The following F5 variants were observed in gnomAD, a reference collection of about 807,000 sequenced individuals.
F5 encodes coagulation factor V, also known as activated protein c cofactor.
Under a neutral mutation model 216.4 loss-of-function variants are expected in F5, and 138 were observed. That is an observed-to-expected ratio of 0.64 (90% confidence interval 0.56 to 0.73). F5 has a LOEUF of 0.73. Among genes scored for constraint, F5 ranks in the 30% least tolerant of loss-of-function variants. The probability of loss-of-function intolerance (pLI) is 0.00; values close to 1 mark genes in which losing one functional copy is unlikely to be tolerated. For missense variants in F5, 2,403 were observed against 2,674.0 expected, an observed-to-expected ratio of 0.90 and a Z score of 2.24; for synonymous variants, 916 against 930.7, an observed-to-expected ratio of 0.98 and a Z score of 0.29.
rs767635351 is a variant in F5, at chr1:169,541,724, G to A, written c.3366C>T (p.Pro1122=). ...GGAATGTTTGATAGTGTTCCTCTGG[G>A]GGCACTGTCTGATAAAGACCTGGAG... The part of the protein sequence containing the change: ...SCPPGLYQTV[P]PEEHYQTFPI... The change falls in exon 13 of 25, where the codon CCC becomes CCT. Residue 1122 remains proline (P), a synonymous_variant. Transcript: ENST00000367797. 3.1e-6 allele frequency: 5 copies of A among 1,613,886 alleles called. No homozygotes were observed. The highest frequency in any genetic ancestry group is 3.4e-6 in the Non-Finnish European group (4 of 1,179,978).
intron 24 of F5, 101 bp from the exon 25 acceptor site, chr1:169,514,560 T>A: frequency 1.0e-6 from 1 of 976,176 alleles, no homozygotes; most frequent in Non-Finnish European, 1.6e-6. Context: ...TTGCCCAGGC[T>A]TGAGTCCAGT....
chr1:169,561,599 G>A (rs1894702), intron 3 of F5, among the ~76,000 whole-genome samples: 17 of 151,938 alleles, frequency 1.1e-4, no homozygotes, highest in Admixed American at 5.2e-4. Flanking sequence ...GTGCCATAGA[G>A]AGCCAAGTGG....
chr1:169,543,601 C>T (rs9332601), intron 12 of F5, among the ~76,000 whole-genome samples: 8,365 of 152,238 alleles, frequency 0.055, 355 homozygotes, highest in Admixed American at 0.1. Flanking sequence ...AAATAAGAGA[C>T]ATTTAGATGT....
chr1:169,550,327 C>A (rs1660139997), intron 9 of F5, among the ~76,000 whole-genome samples: 1 of 138,406 alleles, frequency 7.2e-6, no homozygotes, highest in Non-Finnish European at 1.5e-5. Context: ...TGATGTTCCC[C>A]ATCCTGTGTC....
intron 7 of F5, among the ~76,000 whole-genome samples, chr1:169,554,619 A>G (rs758259690): frequency 6.6e-5 from 10 of 152,198 alleles, no homozygotes; most frequent in Non-Finnish European, 1.2e-4. Flanking sequence ...TTTGATACAT[A>G]TTGCCAAGTT....
At chr1:169,586,208 C>A in intron 1 of F5, 21 bp downstream of exon 1, 2 of 1,613,948 alleles carry the variant, frequency 1.2e-6, no homozygotes, top group East Asian at 2.2e-5. Flanking sequence ...GAAGCCCACC[C>A]GGACTCCACA....
intron 21 of F5, among the ~76,000 whole-genome samples, chr1:169,521,938 C>A (rs1452672117): frequency 1.3e-5 from 2 of 151,552 alleles, no homozygotes; most frequent in Admixed American, 6.6e-5. Context: ...TTTTTAAAAT[C>A]GACAAATCTC....
At chr1:169,557,445 AT>A (rs1660358646) in intron 5 of F5, among the ~76,000 whole-genome samples, 7 of 152,250 alleles carry the variant, frequency 4.6e-5, no homozygotes, top group Admixed American at 3.9e-4. Flanking sequence ...TTACTTTTTG[AT>A]TGTTTTAATG....
At chr1:169,579,638 T>C (rs1407673154) in intron 2 of F5, among the ~76,000 whole-genome samples, 1 of 152,218 alleles carries the variant, frequency 6.6e-6, no homozygotes, top group Non-Finnish European at 1.5e-5. Context: ...CTATCCATTC[T>C]GCTGTTCAAA....
chr1:169,552,817 T>G lies in F5; in HGVS notation c.1119-83A>C, dbSNP rs550154316. On this transcript the variant is annotated intron_variant, in intron 7 of 24. Transcript: ENST00000367797. ...TGGGGAAACCCTTGTGCTTAAACAT[T>G]CTGCTCTTAGATTAGCTAACATACT... The G allele has an allele frequency of 1.4e-5, 15 of 1,058,020 alleles. 1 individual carries two copies. The African/African-American group carries it at 2.0e-4, about 14-fold the overall frequency. 65.5% of individuals were successfully genotyped at this position (1,058,020 alleles called of 1,614,324 possible).
intron 8 of F5, among the ~76,000 whole-genome samples, chr1:169,551,304 G>T (rs1019239731): frequency 1.3e-5 from 2 of 152,260 alleles, no homozygotes; most frequent in Non-Finnish European, 2.9e-5. Flanking sequence ...ACAAAAATTA[G>T]CCAGGCGTTG....
At chr1:169,540,271 A>G (rs957027917) in intron 13 of F5, 23 bp downstream of exon 13, 20 of 1,612,808 alleles carry the variant, frequency 1.2e-5, no homozygotes, top group Non-Finnish European at 1.7e-5. Flanking sequence ...AATGAGAATA[A>G]AAAAGGAGAA....
intron 23 of F5, among the ~76,000 whole-genome samples, chr1:169,517,498 A>G (rs1659187552): frequency 6.6e-6 from 1 of 152,144 alleles, no homozygotes; most frequent in Non-Finnish European, 1.5e-5. Flanking sequence ...GAGTGTAGGT[A>G]TCTTAAGGGA....
chr1:169,534,216 G>A (rs1285142336), intron 14 of F5, among the ~76,000 whole-genome samples: 7 of 152,068 alleles, frequency 4.6e-5, no homozygotes, highest in South Asian at 2.1e-4. Flanking sequence ...TTGCTCACTC[G>A]GGGAGCTCGG....
At chr1:169,559,077 G>A (rs935825328) in intron 5 of F5, 76 bp downstream of exon 5, 1 of 1,527,966 alleles carries the variant, frequency 6.5e-7, no homozygotes, top group African/African-American at 1.4e-5. Context: ...AACTTCTCTA[G>A]TGCTTTGAAG....
intron 21 of F5, among the ~76,000 whole-genome samples, chr1:169,521,676 A>G (rs1368825379): frequency 7.6e-6 from 1 of 131,262 alleles, no homozygotes; most frequent in Non-Finnish European, 1.5e-5. Context: ...GCTGGAGTGC[A>G]GTGGCGTGAT....
At chr1:169,538,196 C>T (rs1659751106) in intron 13 of F5, among the ~76,000 whole-genome samples, 1 of 151,836 alleles carries the variant, frequency 6.6e-6, no homozygotes. Flanking sequence ...ATGACTGAAC[C>T]AGGAGGTCGT....
At position 169,549,902 on chromosome 1, in the gene F5, G is replaced by T. The variant is rs753500077; in HGVS notation, c.1510C>A (p.Pro504Thr). 1.2e-6 allele frequency: 2 copies of T among 1,613,974 alleles called. No homozygotes were observed. The highest frequency in any genetic ancestry group is 1.1e-5 in the South Asian group (1 of 91,082). ...TENDAQCLTR[P>T]YYSDVDIMRD... The stretch of plus-strand genomic sequence containing the variant: ...ATGATGTCCACGTCACTGTAGTATG[G>T]TCTTGTTAAGCACTGGGCATCATTT... The change falls in exon 10 of 25, where the codon CCA becomes ACA. Residue 504 changes from proline (P) to threonine (T), a missense_variant. Around this residue, in one of 4 missense-constraint regions of F5, gnomAD observed 1,425 missense variants for 1,554.8 expected, o/e 0.92. Transcript: ENST00000367797.
intron 3 of F5, among the ~76,000 whole-genome samples, chr1:169,565,345 G>A (rs897113724): frequency 6.6e-6 from 1 of 152,046 alleles, no homozygotes; most frequent in African/African-American, 2.4e-5. Context: ...ACCCAAGTGT[G>A]AGTTCCTCAA....
Sources: gnomAD v4.1 joint callset for allele counts (sites outside exome capture counted in the v4.1 genomes callset) on GRCh38, gnomAD v4.1.1 for gene constraint, gnomAD v4.1.1 regional missense constraint, MANE v1.5 for transcripts, NCBI Gene and HGNC (gene_info 2026-07-23, HGNC 2026-07-21) for gene names.